Variants in FXR1 observed in about 807,000 individuals in gnomAD.
FXR1 encodes the protein FMR1 autosomal homolog 1.
Under a neutral mutation model 84.0 loss-of-function variants are expected in FXR1, and 15 were observed. The ratio of observed to expected loss-of-function variants is 0.18; its 90% CI spans 0.12 to 0.27. The LOEUF (loss-of-function observed/expected upper bound fraction) is 0.27. Ranked by LOEUF, FXR1 falls within the 10% of genes least tolerant of loss-of-function variation. FXR1 has a pLI of 1.00. For synonymous variants in FXR1, 245 were observed against 250.7 expected (o/e 0.98, Z 0.21); for missense variants, 480 against 774.4 (o/e 0.62, Z 4.51).
chr3:180,935,084 C>T (rs1184617050), intron 2 of FXR1, 54 bp from the exon 3 acceptor site: 3 of 752,056 alleles, frequency 4.0e-6, no homozygotes, highest in Non-Finnish European at 6.8e-6. Context: ...TATGCAACAC[C>T]AGGCGTAGAC....
At chr3:180,923,947 C>T (rs901967880) in intron 1 of FXR1, among the ~76,000 whole-genome samples, 2 of 151,896 alleles carry the variant, frequency 1.3e-5, no homozygotes, top group African/African-American at 4.8e-5. Flanking sequence ...ACAAGTCAGA[C>T]TTTTGCAGCT....
rs544290385 is a variant in FXR1 at position 180,926,825 on chromosome 3, TAAAAA to T, written c.52-6505_52-6501del. Among the ~76,000 whole-genome samples, 4 of 151,930 alleles carry T rather than the reference TAAAAA, an allele frequency of 2.6e-5. No homozygotes were observed. The East Asian group carries it at 5.8e-4, about 22-fold the overall frequency. Reference sequence around the variant, plus strand: ...ATGGTAGGAAGGCATCAGTGGGTCTTAAAAAAAATCTAAAGTAACAGATGAATTAG... The same window carrying T: ...ATGGTAGGAAGGCATCAGTGGGTCTTAAATCTAAAGTAACAGATGAATTAG... On this transcript the variant is annotated intron_variant, in intron 1 of 16. Transcript: ENST00000357559.
Position 180,947,873 on chromosome 3 carries a change from A to G in FXR1, c.207A>G (p.Ser69=), listed in dbSNP as rs756607972. The G allele has an allele frequency of 6.2e-7, 1 of 1,602,782 alleles. No individual in the cohort carries two copies. Among genetic ancestry groups the G allele is most frequent in the South Asian group, 1.1e-5 (1 of 90,156 alleles). Residue 69 remains serine, a synonymous_variant, in exon 4 of 17, where the codon TCA becomes TCG. Transcript: ENST00000357559. ...TTTTTTTTTCTTCTCAGGTATATTC[A>G]AGAGCAAATGACCAAGAGCCATGTG... The part of the protein sequence containing the change: ...ISEGDEVEVY[S]RANDQEPCGW...
intron 4 of FXR1, 116 bp from the exon 5 acceptor site, chr3:180,948,231 T>G (rs1192857957): frequency 1.4e-6 from 1 of 714,598 alleles, no homozygotes; most frequent in African/African-American, 1.8e-5. Context: ...TGCTTAGTAT[T>G]TTATGCCACA....
At chr3:180,962,983 A>G in intron 12 of FXR1, 43 bp downstream of exon 12, 2 of 1,609,086 alleles carry the variant, frequency 1.2e-6, no homozygotes, top group African/African-American at 1.3e-5. Context: ...CCTGAAAAAG[A>G]GAAAGGATAT....
At position 180,926,493 on chromosome 3, in the gene FXR1, TA is replaced by T. The variant is rs1560164728; in HGVS notation, c.52-6840del. On this transcript the variant is annotated intron_variant, in intron 1 of 16. Coordinates refer to ENST00000357559, the MANE Select transcript of FXR1 (RefSeq NM_005087.4). The stretch of plus-strand genomic sequence containing the variant: ...GGATTGTACTGTATATATATATATA[TA>T]TATATATATATATTTTTTTTTCTGG... Among the ~76,000 whole-genome samples, 34 of 104,532 alleles carry T rather than the reference TA, an allele frequency of 3.3e-4. 1 individual carries two copies. The highest frequency in any genetic ancestry group is 1.6e-3 in the South Asian group (6 of 3,696). The allele number at this position is 104,532 out of a possible 152,430, so 68.6% of individuals were successfully genotyped here.
chr3:180,914,365 C>T (rs566451101), intron 1 of FXR1, among the ~76,000 whole-genome samples: 1 of 152,094 alleles, frequency 6.6e-6, no homozygotes, highest in South Asian at 2.1e-4. Flanking sequence ...TGCATCACCC[C>T]CCACCCCTTT....
intron 11 of FXR1, among the ~76,000 whole-genome samples, chr3:180,962,029 C>T (rs1173641766): frequency 6.6e-6 from 1 of 152,122 alleles, no homozygotes; most frequent in Non-Finnish European, 1.5e-5. Flanking sequence ...TAATTTGTAA[C>T]CATTGTTAAC....
At chr3:180,914,890 T>G (rs2108414448) in intron 1 of FXR1, 1 of 982,776 alleles carries the variant, frequency 1.0e-6, no homozygotes, top group East Asian at 1.1e-4. Context: ...CATAATCCAC[T>G]TGCATATGCA....
chr3:180,938,341 A>G (rs920639999), intron 3 of FXR1, among the ~76,000 whole-genome samples: 1 of 152,178 alleles, frequency 6.6e-6, no homozygotes, highest in African/African-American at 2.4e-5. Context: ...TGACTGTATT[A>G]TATTGTTCAT....
chr3:180,936,159 T>G (rs1720502693), intron 3 of FXR1, among the ~76,000 whole-genome samples: 1 of 152,146 alleles, frequency 6.6e-6, no homozygotes, highest in Non-Finnish European at 1.5e-5. Context: ...CCCAAAATGC[T>G]GGGATTACAG....
chr3:180,967,505 C>G (rs1246598156), intron 13 of FXR1, among the ~76,000 whole-genome samples: 1 of 151,236 alleles, frequency 6.6e-6, no homozygotes, highest in Non-Finnish European at 1.5e-5. Context: ...AAACCCAAAT[C>G]AGCAGAAACA....
intron 7 of FXR1, among the ~76,000 whole-genome samples, chr3:180,949,547 A>G (rs1722010313): frequency 6.6e-6 from 1 of 152,094 alleles, no homozygotes; most frequent in Admixed American, 6.6e-5. Flanking sequence ...CACCAAGCCC[A>G]GCTAATTTTT....
At chr3:180,956,775 T>A (rs1202455780) in intron 9 of FXR1, among the ~76,000 whole-genome samples, 1 of 152,018 alleles carries the variant, frequency 6.6e-6, no homozygotes, top group East Asian at 1.9e-4. Flanking sequence ...AGAGTAGGAA[T>A]ACAAGAGAGA....
At chr3:180,942,079 C>T (rs1721185570) in intron 3 of FXR1, among the ~76,000 whole-genome samples, 1 of 151,916 alleles carries the variant, frequency 6.6e-6, no homozygotes, top group African/African-American at 2.4e-5. Flanking sequence ...AATTTGGCTA[C>T]TTGAAAGGCA....
At chr3:180,950,978 T>G (rs997446784) in intron 7 of FXR1, among the ~76,000 whole-genome samples, 1 of 151,962 alleles carries the variant, frequency 6.6e-6, no homozygotes, top group Non-Finnish European at 1.5e-5. Context: ...TTTGGGAGGC[T>G]GAAGTGGGAG....
Position 180,949,232 on chromosome 3 carries a change from C to T in FXR1, c.519C>T (p.Ala173=), listed in dbSNP as rs763360947. The change falls in exon 7 of 17, where the codon GCC becomes GCT. Residue 173 remains alanine (A), a synonymous_variant. Transcript: ENST00000357559. ...ATTAGCTTGTTTGTTTATAGTCTGC[C>T]AGTGAAGCAACTGTGAAGAGAGTAA... is the stretch of plus-strand genomic sequence containing the variant. The part of the protein sequence containing the change: ...PETTQLMILS[A]SEATVKRVNI... The T allele has an allele frequency of 2.6e-6, 4 of 1,529,804 alleles. No individual in the cohort carries two copies. The highest frequency in any genetic ancestry group is 1.8e-6 in the Non-Finnish European group (2 of 1,103,068). 94.8% of individuals were successfully genotyped at this position (1,529,804 alleles called of 1,614,324 possible). A position where few individuals can be genotyped will look rare whatever the true frequency, so the allele number is the denominator to read the frequency against.
In FXR1 at chr3:180,929,201, G is replaced by A. The variant is rs73176327; in HGVS notation, c.52-4133G>A. Among the ~76,000 whole-genome samples the A allele has an allele frequency of 5.1e-3, 783 of 152,196 alleles. 2 individuals carry two copies. The highest frequency in any genetic ancestry group is 0.017 in the Middle Eastern group (5 of 292). ...ATTACAGGCGTGAGCCACCGCGCCC[G>A]GCCTAATTTATGGCATTTTTAGTTT... is the stretch of plus-strand genomic sequence containing the variant. On this transcript the variant is annotated intron_variant, in intron 1 of 16. Transcript: ENST00000357559.
rs1294168355 is a variant in FXR1 at position 180,924,239 on chromosome 3, C to T, written c.52-9095C>T. Among the ~76,000 whole-genome samples, 9 of 152,188 alleles carry T rather than the reference C, an allele frequency of 5.9e-5. No homozygotes were observed. The South Asian group carries it at 8.3e-4, about 14-fold the overall frequency. On this transcript the variant is annotated intron_variant, in intron 1 of 16. Coordinates refer to ENST00000357559, the MANE Select transcript of FXR1 (RefSeq NM_005087.4). The stretch of plus-strand genomic sequence containing the variant: ...TGCTGGGATTACAGGTGTGAGCTGT[C>T]GTGCCCAGCCTTCAGCCCGAGTTTC...
Sources: allele counts gnomAD v4.1 joint callset (sites outside exome capture counted in the v4.1 genomes callset), GRCh38; gene constraint gnomAD v4.1.1; transcripts MANE v1.5; gene names NCBI Gene and HGNC (gene_info 2026-07-23, HGNC 2026-07-21).